Variants in RHBDF1 observed in about 807,000 individuals in gnomAD.
The protein encoded by RHBDF1 is rhomboid 5 homolog 1.
Under a neutral mutation model 98.6 loss-of-function variants are expected in RHBDF1, and 80 were observed. The observed-to-expected ratio is 0.81, with a 90% confidence interval of 0.68 to 0.98. RHBDF1 has a LOEUF of 0.98. Among genes scored for constraint, RHBDF1 ranks in the 50% least tolerant of loss-of-function variants. RHBDF1 has a pLI of 0.00. For synonymous variants in RHBDF1, 512 were observed against 486.8 expected (o/e 1.05, Z -0.68); for missense variants, 1,116 against 1,198.3 (o/e 0.93, Z 1.01).
At position 72,595 on chromosome 16, in the gene RHBDF1, C is replaced by CCCCG. The variant is rs1430521746; in HGVS notation, c.-111_-108dup. On this transcript the variant is annotated 5_prime_UTR_variant, in exon 1 of 18. Coordinates refer to ENST00000262316, the MANE Select transcript of RHBDF1 (RefSeq NM_022450.5). ...CTGGCCGGGAGGGCCCGCGCCGAGTCCCCGCCCGCCCGCCGGTCCGGCCCG... is the reference window on the plus strand; with the variant it reads ...CTGGCCGGGAGGGCCCGCGCCGAGTCCCCGCCCGCCCGCCCGCCGGTCCGGCCCG... The CCCCG allele has an allele frequency of 7.3e-5, 71 of 972,540 alleles. No homozygotes were observed. The highest frequency in any genetic ancestry group is 3.8e-4 in the East Asian group (3 of 7,882). 60.2% of individuals were successfully genotyped at this position (972,540 alleles called of 1,614,324 possible).
At chr16:60,317 C>T (rs201299424) in intron 12 of RHBDF1, 38 bp from the exon 13 acceptor site, 2 of 1,612,846 alleles carry the variant, frequency 1.2e-6, no homozygotes, top group South Asian at 2.2e-5. Flanking sequence ...CGGCTTCGAG[C>T]CCCTAGCATT....
In RHBDF1 at chr16:64,502, AG is replaced by A. The variant is rs546374632; in HGVS notation, c.248+196del. The A allele has an allele frequency of 2.4e-5, 37 of 1,535,608 alleles. No individual in the cohort carries two copies. In the Admixed American group the frequency reaches 5.3e-4, roughly 22 times the overall value. ...AAGGAGAGAGTGAGTGCTGAAGAGAAGGGAGTGGAGCAGGGTAGTGGGGTGA... is the reference window on the plus strand; with the variant it reads ...AAGGAGAGAGTGAGTGCTGAAGAGAAGGAGTGGAGCAGGGTAGTGGGGTGA... On this transcript the variant is annotated intron_variant, in intron 3 of 17. Coordinates refer to ENST00000262316, the MANE Select transcript of RHBDF1 (RefSeq NM_022450.5).
intron 7 of RHBDF1, among the ~76,000 whole-genome samples, 154 bp downstream of exon 7, chr16:62,384 T>A (rs1341930614): frequency 6.6e-6 from 1 of 152,126 alleles, no homozygotes; most frequent in Non-Finnish European, 1.5e-5. Context: ...CAGCTCTGCG[T>A]CTCCCACCCC....
upstream of RHBDF1, among the ~76,000 whole-genome samples, chr16:73,190 C>T (rs1437027363): frequency 6.6e-6 from 1 of 152,196 alleles, no homozygotes; most frequent in African/African-American, 2.4e-5. Flanking sequence ...CATGCACCCA[C>T]CTACTCATGT....
intron 1 of RHBDF1, among the ~76,000 whole-genome samples, chr16:66,380 C>T (rs568022839): frequency 8.0e-4 from 122 of 152,292 alleles, no homozygotes; most frequent in Non-Finnish European, 1.5e-3. Flanking sequence ...AGGCTTGCCT[C>T]GCTCACGGTC....
chr16:73,756 G>T (rs1292352555), upstream of RHBDF1, among the ~76,000 whole-genome samples: 1 of 152,186 alleles, frequency 6.6e-6, no homozygotes, highest in Non-Finnish European at 1.5e-5. Context: ...GCCCTGTGCT[G>T]GTCACAAGGT....
intron 1 of RHBDF1, among the ~76,000 whole-genome samples, chr16:71,020 C>A (rs2141870452): frequency 6.6e-6 from 1 of 152,338 alleles, no homozygotes; most frequent in South Asian, 2.1e-4. Context: ...GCCCTCACAG[C>A]CAAGAGCAAC....
chr16:74,898 G>A (rs1288458921), upstream of RHBDF1: 1 of 141,424 alleles, frequency 7.1e-6, no homozygotes, highest in Non-Finnish European at 1.5e-5. Flanking sequence ...CCTATAAAAC[G>A]GTCCCACCCC....
intron 7 of RHBDF1, 54 bp downstream of exon 7, chr16:62,484 C>A (rs377740408): frequency 1.3e-6 from 2 of 1,591,720 alleles, no homozygotes; most frequent in African/African-American, 1.3e-5. Context: ...CCCAGCTGTT[C>A]CTGACGGGCC....
In RHBDF1 at chr16:61,860, G is replaced by A; in HGVS notation, c.1146C>T (p.Arg382=). ...GLGMVGRLTN[R]TYRKRIDSFV... is the part of the protein sequence containing the mutation. Reference sequence around the variant, plus strand: ...AGCTGTCGATGCGCTTGCGGTAGGTGCGGTTGGTGAGCCGTCCCACCATGC... The same window carrying A: ...AGCTGTCGATGCGCTTGCGGTAGGTACGGTTGGTGAGCCGTCCCACCATGC... The change falls in exon 8 of 18, where the codon CGC becomes CGT. Residue 382 remains arginine, a synonymous_variant. Transcript: ENST00000262316. The A allele has an allele frequency of 6.2e-7, 1 of 1,611,072 alleles. No individual in the cohort carries two copies. Among genetic ancestry groups the A allele is most frequent in the Non-Finnish European group, 8.5e-7 (1 of 1,179,812 alleles).
chr16:72,319 C>A (rs1476744625), intron 1 of RHBDF1, among the ~76,000 whole-genome samples, 194 bp downstream of exon 1: 1 of 152,026 alleles, frequency 6.6e-6, no homozygotes, highest in African/African-American at 2.4e-5. Flanking sequence ...TCGGGAAACT[C>A]CAGGAAGAAA....
Position 72,624 on chromosome 16 carries a change from G to GCCGGTCC in RHBDF1, c.-137_-136insGGACCGG, listed in dbSNP as rs1596478590. On this transcript the variant is annotated 5_prime_UTR_variant, in exon 1 of 18. Coordinates refer to ENST00000262316, the MANE Select transcript of RHBDF1 (RefSeq NM_022450.5). Reference sequence around the variant, plus strand: ...GCCCGCCCGCCGGTCCGGCCCGCCCGGGAATGCCCTGGAGCGAGGGGCGTG... The same window carrying GCCGGTCC: ...GCCCGCCCGCCGGTCCGGCCCGCCCGCCGGTCCGGAATGCCCTGGAGCGAGGGGCGTG... 1.0e-6 allele frequency: 1 copy of GCCGGTCC among 972,300 alleles called. No homozygotes were observed. Among genetic ancestry groups the GCCGGTCC allele is most frequent in the Non-Finnish European group, 1.2e-6 (1 of 823,548 alleles). 60.2% of individuals were successfully genotyped at this position (972,300 alleles called of 1,614,324 possible).
chr16:64,564 G>T (rs1897770463), intron 3 of RHBDF1, 135 bp downstream of exon 3: 1 of 1,543,382 alleles, frequency 6.5e-7, no homozygotes, highest in South Asian at 1.3e-5. Flanking sequence ...GAGGGCAAGG[G>T]GATGGTGGGG....
chr16:66,835 A>G (rs1485169274), intron 1 of RHBDF1, among the ~76,000 whole-genome samples: 1 of 152,188 alleles, frequency 6.6e-6, no homozygotes, highest in Non-Finnish European at 1.5e-5. Context: ...TCACTGGGAA[A>G]TCCCTCCAGG....
chr16:61,924 C>T lies in RHBDF1; in HGVS notation c.1082G>A (p.Arg361His), dbSNP rs757898679. ...CCGCTTCTCCCGGGCGAAGAGCTTG[C>T]GCACCGGCACCGCGATACGCTGGCC... is the stretch of plus-strand genomic sequence containing the variant. The part of the protein sequence containing the change: ...RRGQRIAVPV[R>H]KLFAREKRPY... Residue 361 changes from arginine to histidine, a missense_variant, in exon 8 of 18, where the codon CGC (arginine) becomes CAC (histidine). Coordinates refer to ENST00000262316, the MANE Select transcript of RHBDF1 (RefSeq NM_022450.5). 3.1e-6 allele frequency: 5 copies of T among 1,601,388 alleles called. No homozygotes were observed. Among genetic ancestry groups the T allele is most frequent in the Middle Eastern group, 3.8e-4 (2 of 5,314 alleles).
chr16:61,261 G>A lies in RHBDF1; in HGVS notation c.1416C>T (p.Gly472=). ...GGCGCATGCAGGGCGAAAACTTGGC[G>A]CCCAGGTGGATGAGGGCCTCCTGCG... is the stretch of plus-strand genomic sequence containing the variant. The part of the protein sequence containing the change: ...GPSSEALIHL[G]AKFSPCMRQD... The change falls in exon 11 of 18, where the codon GGC becomes GGT. Residue 472 remains glycine, a synonymous_variant. Transcript: ENST00000262316. 2 of 1,544,612 alleles carry A rather than the reference G, an allele frequency of 1.3e-6. No homozygotes were observed. Among genetic ancestry groups the A allele is most frequent in the South Asian group, 1.2e-5 (1 of 83,812 alleles).
Position 60,053 on chromosome 16 carries a change from G to A in RHBDF1, c.1722+163C>T, listed in dbSNP as rs192132521. On this transcript the variant is annotated intron_variant, in intron 13 of 17. Transcript: ENST00000262316. ...CTTGATCTACTTGCTCAGAGGGGCAGGCGCTGGTTGATGGACAGGCTGTAC... is the reference window on the plus strand; with the variant it reads ...CTTGATCTACTTGCTCAGAGGGGCAAGCGCTGGTTGATGGACAGGCTGTAC... 7.1e-4 allele frequency: 1,057 copies of A among 1,487,662 alleles called. 10 individuals carry two copies. In the African/African-American group the frequency reaches 0.013, roughly 19 times the overall value. 92.2% of individuals were successfully genotyped at this position (1,487,662 alleles called of 1,614,324 possible).
rs763600756 is a variant in RHBDF1, at chr16:63,178, A to C, written c.467T>G (p.Ile156Arg). The C allele has an allele frequency of 6.4e-7, 1 of 1,570,106 alleles. No individual in the cohort carries two copies. The highest frequency in any genetic ancestry group is 8.6e-7 in the Non-Finnish European group (1 of 1,158,200). The change falls in exon 5 of 18, where the codon ATA becomes AGA. Residue 156 changes from isoleucine (I) to arginine (R), a missense_variant. Transcript: ENST00000262316. ...GPCQLGMQKI[I>R]DPLARGRAFR... ...GGCACGGCCACGGGCCAGGGGGTCT[A>C]TGATCTGGAGGAGGGGAGGAGATGC...
Position 61,639 on chromosome 16 carries a change from C to A in RHBDF1, c.1266G>T (p.Val422=), listed in dbSNP as rs536221322. 2.5e-6 allele frequency: 4 copies of A among 1,613,438 alleles called. No homozygotes were observed. The highest frequency in any genetic ancestry group is 3.4e-6 in the Non-Finnish European group (4 of 1,179,934). Residue 422 remains valine, a synonymous_variant, in exon 9 of 18, where the codon GTG becomes GTT. Coordinates refer to ENST00000262316, the MANE Select transcript of RHBDF1 (RefSeq NM_022450.5). ...FVHSLVTILA[V]CIYGIAPVGF... ...CCACGGGCGCGATGCCATAGATGCACACGGCTAGGATGGTGACGAGCGAGT... is the reference window on the plus strand; with the variant it reads ...CCACGGGCGCGATGCCATAGATGCAAACGGCTAGGATGGTGACGAGCGAGT...
Sources: allele counts gnomAD v4.1 joint callset (sites outside exome capture counted in the v4.1 genomes callset), GRCh38; gene constraint gnomAD v4.1.1; transcripts MANE v1.5; gene names NCBI Gene and HGNC (gene_info 2026-07-23, HGNC 2026-07-21).